The following ARHGAP26 variants were observed in gnomAD, a reference collection of about 807,000 sequenced individuals.
ARHGAP26 encodes Rho GTPase activating protein 26.
ARHGAP26 carries 38 observed loss-of-function variants against 104.8 expected under a neutral mutation model. That is an observed-to-expected ratio of 0.36 (90% confidence interval 0.28 to 0.48). ARHGAP26 has a LOEUF of 0.48. ARHGAP26 is among the 20% of genes least tolerant of loss of function. The pLI is 0.99. For synonymous variants in ARHGAP26, 341 were observed against 340.0 expected (o/e 1.00, Z -0.03); for missense variants, 704 against 947.9 (o/e 0.74, Z 3.38).
chr5:142,910,319 A>G (rs1420397122), intron 9 of ARHGAP26, among the ~76,000 whole-genome samples: 1 of 152,134 alleles, frequency 6.6e-6, no homozygotes. Flanking sequence ...AACTCATTAT[A>G]CTTCCCATGA....
At chr5:142,838,794 T>C (rs1448955066) in intron 1 of ARHGAP26, among the ~76,000 whole-genome samples, 2 of 152,168 alleles carry the variant, frequency 1.3e-5, no homozygotes, top group African/African-American at 4.8e-5. Flanking sequence ...AATTATCTAG[T>C]CTGAAATTTT....
At chr5:142,912,805 T>C (rs1233519405) in intron 9 of ARHGAP26, among the ~76,000 whole-genome samples, 1 of 152,148 alleles carries the variant, frequency 6.6e-6, no homozygotes, top group Non-Finnish European at 1.5e-5. Flanking sequence ...CTGGGGATAT[T>C]TGTTCTGATC....
intron 12 of ARHGAP26, among the ~76,000 whole-genome samples, chr5:143,026,932 A>G (rs1439340290): frequency 6.6e-6 from 1 of 152,086 alleles, no homozygotes; most frequent in Non-Finnish European, 1.5e-5. Context: ...GATTCTGGAT[A>G]CGGTTTTAAG....
intron 1 of ARHGAP26, 36 bp downstream of exon 1, chr5:142,770,951 G>T: frequency 6.3e-7 from 1 of 1,575,720 alleles, no homozygotes; most frequent in South Asian, 1.1e-5. Context: ...CGCGGCTCCG[G>T]GGCGGGAGGA....
intron 11 of ARHGAP26, chr5:142,947,254 T>G (rs1767292063): frequency 6.6e-6 from 1 of 152,192 alleles, no homozygotes; most frequent in Admixed American, 6.5e-5. Context: ...TCAGCCAAAC[T>G]AAGGAAATCA....
chr5:143,048,413 A>G (rs1784522188), intron 14 of ARHGAP26, among the ~76,000 whole-genome samples: 1 of 151,236 alleles, frequency 6.6e-6, no homozygotes, highest in South Asian at 2.1e-4. Flanking sequence ...GGTGTGCACC[A>G]CCATGCCCAG....
intron 3 of ARHGAP26, among the ~76,000 whole-genome samples, chr5:142,878,945 G>A (rs918441378): frequency 2.0e-5 from 3 of 152,172 alleles, no homozygotes; most frequent in Non-Finnish European, 4.4e-5. Flanking sequence ...TATGCCATCA[G>A]ATGTCCAGAG....
intron 11 of ARHGAP26, among the ~76,000 whole-genome samples, chr5:143,008,105 C>G (rs1035512868): frequency 3.9e-5 from 6 of 152,200 alleles, no homozygotes; most frequent in African/African-American, 1.4e-4. Context: ...GAAAGTTAAT[C>G]CTTATAGAAT....
intron 20 of ARHGAP26, among the ~76,000 whole-genome samples, chr5:143,151,540 G>T (rs1799841478): frequency 6.6e-6 from 1 of 152,196 alleles, no homozygotes; most frequent in Admixed American, 6.5e-5. Context: ...ATCAGTATGT[G>T]AAAATGGATA....
intron 19 of ARHGAP26, among the ~76,000 whole-genome samples, chr5:143,140,313 T>C (rs1324948331): frequency 6.6e-6 from 1 of 152,198 alleles, no homozygotes; most frequent in Non-Finnish European, 1.5e-5. Context: ...TGGTTGAAAG[T>C]GGAGGCTCTG....
At chr5:142,860,619 A>C (rs961996712) in intron 1 of ARHGAP26, 1 of 152,250 alleles carries the variant, frequency 6.6e-6, no homozygotes, top group Non-Finnish European at 1.5e-5. Flanking sequence ...ATAAGGAGAC[A>C]TGATTGAGAA....
rs191963226 is a variant in ARHGAP26 at position 143,173,554 on chromosome 5, C to T, written c.1988+26173C>T. ...ATTTCCGAATTCAGGCACTTCGCTTCGCAATTTACATAGGCATTGTTTTTC... is the reference window on the plus strand; with the variant it reads ...ATTTCCGAATTCAGGCACTTCGCTTTGCAATTTACATAGGCATTGTTTTTC... On this transcript the variant is annotated intron_variant, in intron 20 of 22. Transcript: ENST00000645722. 3.9e-5 allele frequency among the ~76,000 whole-genome samples: 6 copies of T among 152,304 alleles called. No homozygotes were observed. In the South Asian group the frequency reaches 6.2e-4, roughly 16 times the overall value.
At chr5:143,165,476 C>T (rs770964563) in intron 20 of ARHGAP26, 14 of 152,202 alleles carry the variant, frequency 9.2e-5, no homozygotes, top group Non-Finnish European at 1.6e-4. Context: ...TTCAGTCTTC[C>T]ACAGTATTAA....
At chr5:143,012,544 C>CATATAT (rs1562259165) in intron 11 of ARHGAP26, among the ~76,000 whole-genome samples, 1 of 43,080 alleles carries the variant, frequency 2.3e-5, no homozygotes, top group Non-Finnish European at 6.1e-5. Context: ...TATTTATATA[C>CATATAT]ATACATACAT....
chr5:142,849,067 T>TA (rs1751002524), intron 1 of ARHGAP26, among the ~76,000 whole-genome samples: 2 of 152,338 alleles, frequency 1.3e-5, no homozygotes, highest in African/African-American at 4.8e-5. Context: ...TGCCCAACTC[T>TA]AACTTGATTT....
intron 17 of ARHGAP26, among the ~76,000 whole-genome samples, chr5:143,062,875 G>A (rs1786932749): frequency 2.0e-5 from 3 of 152,146 alleles, no homozygotes; most frequent in South Asian, 4.1e-4. Flanking sequence ...AACATGAGAA[G>A]TGCTAGTTAT....
chr5:143,145,569 T>C (rs933267172), intron 19 of ARHGAP26, among the ~76,000 whole-genome samples: 10 of 152,208 alleles, frequency 6.6e-5, no homozygotes, highest in Admixed American at 5.9e-4. Context: ...CTTAGCGTTG[T>C]TTTTCTTTCT....
chr5:142,932,183 T>C (rs1764827339), intron 11 of ARHGAP26, 58 bp downstream of exon 11: 1 of 1,499,968 alleles, frequency 6.7e-7, no homozygotes, highest in South Asian at 1.1e-5. Context: ...GTTTGTTGCT[T>C]CCCTAGTGCA....
At chr5:143,139,744 C>A (rs1015310148) in intron 19 of ARHGAP26, among the ~76,000 whole-genome samples, 2 of 152,174 alleles carry the variant, frequency 1.3e-5, no homozygotes, top group African/African-American at 4.8e-5. Context: ...ACTGTGCTCC[C>A]AGATGAATGG....
Sources: gnomAD v4.1 joint callset for allele counts (sites outside exome capture counted in the v4.1 genomes callset) on GRCh38, gnomAD v4.1.1 for gene constraint, MANE v1.5 for transcripts, NCBI Gene and HGNC (gene_info 2026-07-23, HGNC 2026-07-21) for gene names.